The following EHD4 variants were observed in gnomAD, a reference collection of about 807,000 sequenced individuals.
EHD4 encodes the protein EH domain containing 4.
EHD4 carries 37 observed loss-of-function variants against 51.0 expected under a neutral mutation model. The ratio of observed to expected loss-of-function variants is 0.73; its 90% CI spans 0.56 to 0.95. EHD4 has a LOEUF of 0.95. Among genes scored for constraint, EHD4 ranks in the 40% least tolerant of loss-of-function variants. The pLI, the probability that EHD4 is intolerant of heterozygous loss-of-function variation, is 0.00. For synonymous variants in EHD4, 297 were observed against 317.3 expected, an observed-to-expected ratio of 0.94 and a Z score of 0.68; for missense variants, 632 against 733.1, an observed-to-expected ratio of 0.86 and a Z score of 1.59.
rs138034162 is a variant in EHD4, at chr15:41,914,729, C to T, written c.924+4481G>A. ...GATCCATTATATCATGATTCTCACA[C>T]GCTTTAGCCTGAATCCATTTGGTGC... is the stretch of plus-strand genomic sequence containing the variant. On this transcript the variant is annotated intron_variant, in intron 4 of 5. Transcript: ENST00000220325. 1.3e-3 allele frequency among the ~76,000 whole-genome samples: 191 copies of T among 152,040 alleles called. 1 individual carries two copies. Among genetic ancestry groups the T allele is most frequent in the African/African-American group, 4.2e-3 (174 of 41,438 alleles).
rs374646673 is a variant in EHD4, at chr15:41,967,806, GT to G, written c.236+4452del. Among the ~76,000 whole-genome samples the G allele has an allele frequency of 2.4e-4, 36 of 152,278 alleles. 1 individual carries two copies. The South Asian group carries it at 7.2e-3, about 31-fold the overall frequency. ...ATGAGAACATCTGCCTGCTTCCAGT[GT>G]TCCAATACTTTTCATATTCTTCACA... On this transcript the variant is annotated intron_variant, in intron 1 of 5. Coordinates refer to ENST00000220325, the MANE Select transcript of EHD4 (RefSeq NM_139265.4).
intron 3 of EHD4, among the ~76,000 whole-genome samples, chr15:41,932,911 G>A (rs2067708022): frequency 6.6e-6 from 1 of 152,156 alleles, no homozygotes; most frequent in Non-Finnish European, 1.5e-5. Flanking sequence ...CTCTGAGCTG[G>A]GTCCGTCTAT....
At chr15:41,940,354 A>G (rs1233636894) in intron 3 of EHD4, among the ~76,000 whole-genome samples, 2 of 152,252 alleles carry the variant, frequency 1.3e-5, no homozygotes, top group East Asian at 1.9e-4. Flanking sequence ...CTGTGGTCTT[A>G]TGAAGCTGGT....
chr15:41,903,543 T>G (rs1255676361), intron 5 of EHD4, among the ~76,000 whole-genome samples: 1 of 152,018 alleles, frequency 6.6e-6, no homozygotes, highest in African/African-American at 2.4e-5. Flanking sequence ...TTCTGTGGTA[T>G]TAATTTTTAC....
intron 5 of EHD4, among the ~76,000 whole-genome samples, chr15:41,906,026 C>A (rs572721775): frequency 5.3e-5 from 8 of 152,272 alleles, no homozygotes; most frequent in African/African-American, 1.9e-4. Flanking sequence ...ACAGTGATAG[C>A]AGCAGGAGGC....
At chr15:41,962,542 C>CA (rs35279472) in intron 1 of EHD4, among the ~76,000 whole-genome samples, 7,483 of 127,910 alleles carry the variant, frequency 0.059, 641 homozygotes, top group African/African-American at 0.19. Flanking sequence ...TGACAAAAGA[C>CA]AAAAAAAAAA....
chr15:41,936,878 A>G (rs984677825), intron 3 of EHD4, among the ~76,000 whole-genome samples: 1 of 152,218 alleles, frequency 6.6e-6, no homozygotes, highest in Non-Finnish European at 1.5e-5. Context: ...AAAAGAAATC[A>G]GGATTTCCTG....
chr15:41,972,434 CCGCGTCCGCGCCGCCAG>C lies in EHD4; in HGVS notation c.44_60del (p.Ala15GlyfsTer89), dbSNP rs780086905. ...CGCAGCCCGCCCGTCACCGTCTGCA[CCGCGTCCGCGCCGCCAG>C]CGCGTTCGCGCCCGCCCGCCTGCCG... On this transcript the variant is annotated frameshift_variant, in exon 1 of 6. Transcript: ENST00000220325. LOFTEE classifies it high-confidence loss of function. The C allele has an allele frequency of 4.1e-5, 65 of 1,593,614 alleles. No individual in the cohort carries two copies. In the Admixed American group the frequency reaches 9.8e-4, roughly 24 times the overall value.
At chr15:41,967,863 T>G (rs998876194) in intron 1 of EHD4, among the ~76,000 whole-genome samples, 1 of 152,242 alleles carries the variant, frequency 6.6e-6, no homozygotes, top group Admixed American at 6.5e-5. Flanking sequence ...TACAGTTCTT[T>G]GAGCAGAAAT....
rs2067455741 is a variant in EHD4 at position 41,898,706 on chromosome 15, G to A, written c.*1939C>T. On this transcript the variant is annotated 3_prime_UTR_variant, in exon 6 of 6. Transcript: ENST00000220325. ...ACAAAAATTAGCCGGGCGTGGTGGC[G>A]GGTGCCTGTAGTCCCAGCTACTTGG... 1 of 152,138 alleles carries A rather than the reference G, an allele frequency of 6.6e-6. No homozygotes were observed. The highest frequency in any genetic ancestry group is 1.5e-5 in the Non-Finnish European group (1 of 68,040). 9.4% of individuals were successfully genotyped at this position (152,138 alleles called of 1,614,324 possible).
At chr15:41,908,905 T>A (rs1159903364) in intron 5 of EHD4, among the ~76,000 whole-genome samples, 2 of 152,208 alleles carry the variant, frequency 1.3e-5, no homozygotes, top group African/African-American at 4.8e-5. Flanking sequence ...GCTGCAGGCA[T>A]CTGAGTTTGT....
At chr15:41,947,672 T>C (rs1595542291) in intron 2 of EHD4, among the ~76,000 whole-genome samples, 1 of 152,330 alleles carries the variant, frequency 6.6e-6, no homozygotes, top group East Asian at 1.9e-4. Flanking sequence ...GCTAATCTTA[T>C]CTTCCAGTGC....
intron 3 of EHD4, among the ~76,000 whole-genome samples, chr15:41,941,405 C>A (rs145786147): frequency 9.9e-5 from 15 of 151,940 alleles, no homozygotes; most frequent in Admixed American, 9.2e-4. Context: ...TTTGCATATG[C>A]GCAGGAAAAA....
intron 4 of EHD4, among the ~76,000 whole-genome samples, chr15:41,912,524 G>GT (rs2067557413): frequency 6.6e-6 from 1 of 151,992 alleles, no homozygotes; most frequent in South Asian, 2.1e-4. Context: ...GTGAAACCCT[G>GT]TCTCTACTAA....
intron 4 of EHD4, among the ~76,000 whole-genome samples, chr15:41,917,867 C>T (rs1487148097): frequency 6.6e-6 from 1 of 152,212 alleles, no homozygotes; most frequent in Non-Finnish European, 1.5e-5. Context: ...ATGACTCACA[C>T]AAGCACCACA....
At chr15:41,910,267 T>G (rs950361647) in intron 4 of EHD4, among the ~76,000 whole-genome samples, 1 of 152,204 alleles carries the variant, frequency 6.6e-6, no homozygotes, top group African/African-American at 2.4e-5. Context: ...CATGGAAATC[T>G]GTACCCAGTG....
chr15:41,945,839 G>A (rs1376051426), intron 2 of EHD4, among the ~76,000 whole-genome samples: 1 of 152,244 alleles, frequency 6.6e-6, no homozygotes, highest in Non-Finnish European at 1.5e-5. Flanking sequence ...TCGTAGCCCA[G>A]TAGTGAAGAA....
intron 1 of EHD4, among the ~76,000 whole-genome samples, chr15:41,969,301 C>G (rs1333958992): frequency 1.3e-5 from 2 of 152,188 alleles, no homozygotes; most frequent in African/African-American, 2.4e-5. Context: ...AATCCCAGCA[C>G]TTTGGGAGGC....
intron 5 of EHD4, among the ~76,000 whole-genome samples, chr15:41,909,038 T>C (rs970752896): frequency 9.8e-5 from 15 of 152,342 alleles, no homozygotes; most frequent in Non-Finnish European, 1.9e-4. Flanking sequence ...GTGGCCTCGC[T>C]TGTGAGGACA....
Sources: allele counts gnomAD v4.1 joint callset (sites outside exome capture counted in the v4.1 genomes callset), GRCh38; gene constraint gnomAD v4.1.1; transcripts MANE v1.5; gene names NCBI Gene and HGNC (gene_info 2026-07-23, HGNC 2026-07-21).